Variants in DHX36 observed in about 807,000 individuals in gnomAD.
DHX36 encodes the protein ATP-dependent DNA/RNA helicase DHX36.
In DHX36, 50 loss-of-function variants were observed where a neutral mutation model predicts 139.0. The observed-to-expected ratio is 0.36, with a 90% CI of 0.29 to 0.46. The LOEUF is 0.46. Among genes scored for constraint, DHX36 ranks in the 20% least tolerant of loss-of-function variants. The pLI is 1.00. For missense variants in DHX36, 1,024 were observed against 1,211.3 expected (o/e 0.85, Z 2.29); for synonymous variants, 425 against 401.9 (o/e 1.06, Z -0.69).
At chr3:154,299,444 A>G (rs1712176598) in intron 12 of DHX36, among the ~76,000 whole-genome samples, 2 of 152,158 alleles carry the variant, frequency 1.3e-5, no homozygotes, top group Non-Finnish European at 2.9e-5. Flanking sequence ...ACAGGATCAA[A>G]ATCACTTGAG....
intron 1 of DHX36, among the ~76,000 whole-genome samples, chr3:154,316,978 A>C (rs1713012675): frequency 6.6e-6 from 1 of 152,064 alleles, no homozygotes; most frequent in South Asian, 2.1e-4. Flanking sequence ...GGAGTGGTGA[A>C]AATTAGAGTG....
intron 14 of DHX36, among the ~76,000 whole-genome samples, chr3:154,293,257 A>G (rs1231071502): frequency 6.6e-6 from 1 of 152,180 alleles, no homozygotes; most frequent in Admixed American, 6.6e-5. Flanking sequence ...GCTATTTCTG[A>G]GCTAAAGCAT....
intron 1 of DHX36, among the ~76,000 whole-genome samples, chr3:154,319,955 G>A (rs545764732): frequency 1.3e-5 from 2 of 152,140 alleles, no homozygotes; most frequent in Non-Finnish European, 2.9e-5. Flanking sequence ...AAAACTACTG[G>A]AAAATGTTCC....
At chr3:154,305,023 A>G in intron 7 of DHX36, 51 bp from the exon 8 acceptor site, 4 of 1,595,162 alleles carry the variant, frequency 2.5e-6, no homozygotes, top group Non-Finnish European at 3.4e-6. Context: ...TTCTTTAACA[A>G]CTAGTAAAAT....
chr3:154,285,934 C>T (rs2108337480), intron 17 of DHX36, among the ~76,000 whole-genome samples: 2 of 151,612 alleles, frequency 1.3e-5, no homozygotes, highest in African/African-American at 4.8e-5. Context: ...AATAAACTTA[C>T]ATATGAAAAT....
At chr3:154,302,824 T>C (rs1712351658) in intron 9 of DHX36, among the ~76,000 whole-genome samples, 1 of 152,170 alleles carries the variant, frequency 6.6e-6, no homozygotes, top group Admixed American at 6.5e-5. Flanking sequence ...ACACCTGTAA[T>C]ACCAGGACTT....
rs747991225 is a variant in DHX36 at position 154,292,615 on chromosome 3, T to C, written c.1750A>G (p.Ser584Gly). ...ETHFDTQNNI[S>G]TMSAEWVSKA... is the part of the protein sequence containing the mutation. ...CTAACCCACTCAGCGGACATTGTAC[T>C]GATATTGTTCTGAGTATCAAAATGC... Residue 584 changes from serine (S) to glycine (G), a missense_variant, in exon 15 of 25, where the codon AGT becomes GGT. By Grantham distance (56) the Ser-to-Gly change is moderately conservative. This residue lies in a region of DHX36 where 470 missense variants were observed against 616.2 expected (regional missense o/e 0.76). Transcript: ENST00000496811. The C allele has an allele frequency of 6.2e-7, 1 of 1,614,092 alleles. No homozygotes were observed. Among genetic ancestry groups the C allele is most frequent in the South Asian group, 1.1e-5 (1 of 91,070 alleles).
chr3:154,313,976 A>C (rs912870571), intron 3 of DHX36, among the ~76,000 whole-genome samples: 4 of 152,176 alleles, frequency 2.6e-5, no homozygotes, highest in Non-Finnish European at 5.9e-5. Flanking sequence ...ATGACAACAT[A>C]TGGGAAATAG....
At chr3:154,314,938 G>C in intron 3 of DHX36, 108 bp downstream of exon 3, 1 of 735,168 alleles carries the variant, frequency 1.4e-6, no homozygotes. Context: ...GGGATGTCTT[G>C]TTGAGGATCT....
At chr3:154,308,819 T>G (rs1342326579) in intron 5 of DHX36, among the ~76,000 whole-genome samples, 1 of 152,102 alleles carries the variant, frequency 6.6e-6, no homozygotes, top group Non-Finnish European at 1.5e-5. Context: ...TCCCAAAATT[T>G]TGGACTTGAC....
At position 154,290,996 on chromosome 3, in the gene DHX36, G is replaced by A. The variant is rs914351371; in HGVS notation, c.1815-1170C>T. The stretch of plus-strand genomic sequence containing the variant: ...AAAAATACAAAAAAATTAGCCGGGC[G>A]TAGTGGCGGGCGCCTGTAGTCCCAG... On this transcript the variant is annotated intron_variant, in intron 15 of 24. Coordinates refer to ENST00000496811, the MANE Select transcript of DHX36 (RefSeq NM_020865.3). 1.4e-3 allele frequency among the ~76,000 whole-genome samples: 205 copies of A among 150,156 alleles called. 3 individuals are homozygous for A. The highest frequency in any genetic ancestry group is 4.7e-3 in the African/African-American group (192 of 41,130).
intron 15 of DHX36, among the ~76,000 whole-genome samples, chr3:154,291,004 G>C (rs530481339): frequency 1.3e-5 from 2 of 149,662 alleles, no homozygotes; most frequent in Non-Finnish European, 3.0e-5. Context: ...GCGTAGTGGC[G>C]GGCGCCTGTA....
In DHX36 at chr3:154,274,985, T is replaced by C. The variant is rs952453070; in HGVS notation, c.*1186A>G. On this transcript the variant is annotated 3_prime_UTR_variant, in exon 25 of 25. Coordinates refer to ENST00000496811, the MANE Select transcript of DHX36 (RefSeq NM_020865.3). Reference sequence around the variant, plus strand: ...AAAATAAAAAGTGTAATATAATAGATTGTTAGACATTTACGAAAATATTTC... The same window carrying C: ...AAAATAAAAAGTGTAATATAATAGACTGTTAGACATTTACGAAAATATTTC... 11 of 152,356 alleles carry C rather than the reference T, an allele frequency of 7.2e-5. No individual in the cohort carries two copies. Among genetic ancestry groups the C allele is most frequent in the African/African-American group, 2.4e-4 (10 of 41,592 alleles). The allele number at this position is 152,356 out of a possible 1,614,324, so 9.4% of individuals were successfully genotyped here.
chr3:154,322,119 A>G (rs941406652), intron 1 of DHX36, among the ~76,000 whole-genome samples: 3 of 152,190 alleles, frequency 2.0e-5, no homozygotes, highest in African/African-American at 7.2e-5. Flanking sequence ...GAACAGTATG[A>G]CACTGTAATG....
chr3:154,300,937 T>G, intron 10 of DHX36, 50 bp downstream of exon 10: 1 of 1,599,036 alleles, frequency 6.3e-7, no homozygotes. Context: ...CCTCTGGCTT[T>G]TTGTTTTATT....
intron 17 of DHX36, among the ~76,000 whole-genome samples, chr3:154,285,513 T>TTG (rs1402187166): frequency 6.6e-6 from 1 of 152,150 alleles, no homozygotes; most frequent in Admixed American, 6.5e-5. Flanking sequence ...TACAAGGAGT[T>TTG]AACAAAGAAT....
At chr3:154,319,880 A>C (rs946672424) in intron 1 of DHX36, among the ~76,000 whole-genome samples, 1 of 151,738 alleles carries the variant, frequency 6.6e-6, no homozygotes, top group African/African-American at 2.4e-5. Flanking sequence ...AAAACAAAAA[A>C]CCCTCTCGTG....
At position 154,324,422 on chromosome 3, in the gene DHX36, T is replaced by C; in HGVS notation, c.-6A>G. On this transcript the variant is annotated 5_prime_UTR_variant, in exon 1 of 25. Coordinates refer to ENST00000496811, the MANE Select transcript of DHX36 (RefSeq NM_020865.3). ...TGATGGTAGTCATAACTCATTGTCCTGGCAGACTACAACCCGTCAGAACCA... is the reference window on the plus strand; with the variant it reads ...TGATGGTAGTCATAACTCATTGTCCCGGCAGACTACAACCCGTCAGAACCA... 2.7e-6 allele frequency: 4 copies of C among 1,501,508 alleles called. No homozygotes were observed. The highest frequency in any genetic ancestry group is 3.6e-6 in the Non-Finnish European group (4 of 1,125,542). 93.0% of individuals were successfully genotyped at this position (1,501,508 alleles called of 1,614,324 possible). A position where few individuals can be genotyped will look rare whatever the true frequency, so the allele number is the denominator to read the frequency against.
chr3:154,281,420 G>C (rs1254987163), intron 20 of DHX36, among the ~76,000 whole-genome samples: 1 of 151,394 alleles, frequency 6.6e-6, no homozygotes, highest in Non-Finnish European at 1.5e-5. Flanking sequence ...AAGTAACATA[G>C]AAAAGTACTT....
Sources: allele counts gnomAD v4.1 joint callset (sites outside exome capture counted in the v4.1 genomes callset), GRCh38; gene constraint gnomAD v4.1.1; regional missense constraint gnomAD v4.1.1; transcripts MANE v1.5; gene names NCBI Gene and HGNC (gene_info 2026-07-23, HGNC 2026-07-21).